The following GABRP variants were observed in gnomAD, a reference collection of about 807,000 sequenced individuals.
GABRP encodes gamma-aminobutyric acid type A receptor subunit pi.
A neutral mutation model predicts 47.8 loss-of-function variants in GABRP; 52 were observed. The ratio of observed to expected loss-of-function variants is 1.09; its 90% CI spans 0.87 to 1.37. The LOEUF (loss-of-function observed/expected upper bound fraction) is 1.37, where lower values mean the gene tolerates loss of function less well. Among genes scored for constraint, GABRP ranks in the 40% most tolerant of loss-of-function variants. The pLI, the probability that GABRP is intolerant of heterozygous loss-of-function variation, is 0.00. For synonymous variants in GABRP, 221 were observed against 205.8 expected (o/e 1.07, Z -0.63); for missense variants, 525 against 542.8 (o/e 0.97, Z 0.33).
chr5:170,797,316 G>C, intron 5 of GABRP, 150 bp from the exon 6 acceptor site: 2 of 629,758 alleles, frequency 3.2e-6, no homozygotes, highest in Non-Finnish European at 5.9e-6. Flanking sequence ...TTAGCACCCA[G>C]AGCCTCAAGG....
chr5:170,805,800 A>G lies in GABRP; in HGVS notation c.626A>G (p.Gln209Arg), dbSNP rs1192540150. ...VRGLEHLRLA[Q>R]YTIERYFTLV... ...GGACTGGAACACCTGCGGCTTGCTCAGTACACCATAGAGCGGTATTTCACC... is the reference window on the plus strand; with the variant it reads ...GGACTGGAACACCTGCGGCTTGCTCGGTACACCATAGAGCGGTATTTCACC... Residue 209 changes from glutamine to arginine, a missense_variant, in exon 7 of 10, where the codon CAG becomes CGG. Gln to Arg is a conservative substitution (Grantham distance 43). Transcript: ENST00000265294. 8.1e-6 allele frequency: 13 copies of G among 1,614,218 alleles called. No homozygotes were observed. Among genetic ancestry groups the G allele is most frequent in the Non-Finnish European group, 1.1e-5 (13 of 1,180,028 alleles).
At position 170,794,290 on chromosome 5, in the gene GABRP, A is replaced by C; in HGVS notation, c.232A>C (p.Ser78Arg). ...TGCAAGTATCTCTAGCATTTCAGAG[A>C]GTAACATGGTAAGCGCTGTTCCTTT... ...DIASISSISESNMDYTATIYL... is the reference protein window; with the variant it reads ...DIASISSISERNMDYTATIYL... Residue 78 changes from serine to arginine, a missense_variant, in exon 4 of 10, where the codon AGT becomes CGT. Coordinates refer to ENST00000265294, the MANE Select transcript of GABRP (RefSeq NM_014211.3). 6.2e-7 allele frequency: 1 copy of C among 1,608,338 alleles called. No individual in the cohort carries two copies. Among genetic ancestry groups the C allele is most frequent in the Non-Finnish European group, 8.5e-7 (1 of 1,176,136 alleles).
intron 6 of GABRP, among the ~76,000 whole-genome samples, chr5:170,802,560 A>G (rs1765622973): frequency 6.6e-6 from 1 of 152,078 alleles, no homozygotes; most frequent in South Asian, 2.1e-4. Context: ...CAAAAAGAGA[A>G]CTCATTTTCA....
At chr5:170,802,243 C>T (rs1765614416) in intron 6 of GABRP, among the ~76,000 whole-genome samples, 1 of 152,134 alleles carries the variant, frequency 6.6e-6, no homozygotes, top group South Asian at 2.1e-4. Context: ...GAAATGCCCA[C>T]CAAACTGGGG....
At position 170,805,717 on chromosome 5, in the gene GABRP, G is replaced by A; in HGVS notation, c.543G>A (p.Trp181Ter). 1 of 1,614,122 alleles carries A rather than the reference G, an allele frequency of 6.2e-7. No individual in the cohort carries two copies. The highest frequency in any genetic ancestry group is 8.5e-7 in the Non-Finnish European group (1 of 1,180,016). ...CCAGGGCTCCATTTTATTTGCCAGG[G>A]GGCTATGATGGAAATGATGTGGAGT... ...TQTCKLQLES[W>*]GYDGNDVEFT... Residue 181 changes from tryptophan (W) to a stop codon, truncating the protein, a stop_gained and splice_region_variant, in exon 7 of 10, where the codon TGG becomes TGA. Transcript: ENST00000265294. LOFTEE classifies it high-confidence loss of function.
intron 1 of GABRP, among the ~76,000 whole-genome samples, chr5:170,784,289 G>A (rs1326259964): frequency 6.6e-6 from 1 of 152,148 alleles, no homozygotes; most frequent in Non-Finnish European, 1.5e-5. Context: ...GAAGCTGGAG[G>A]TGACAAGTTG....
Position 170,808,670 on chromosome 5 carries a change from C to T in GABRP, c.750C>T (p.Tyr250=), listed in dbSNP as rs778020053. Residue 250 remains tyrosine (Y), a synonymous_variant, in exon 8 of 10, where the codon TAC becomes TAT. Transcript: ENST00000265294. The stretch of plus-strand genomic sequence containing the variant: ...TTCTGTATTTCATTTTGGAAACCTA[C>T]GTTCCTTCCACTTTCCTGGTGGTGT... ...RNVLYFILET[Y]VPSTFLVVLS... 2.4e-5 allele frequency: 39 copies of T among 1,613,770 alleles called. No individual in the cohort carries two copies. The highest frequency in any genetic ancestry group is 2.6e-5 in the Non-Finnish European group (31 of 1,179,784).
intron 3 of GABRP, among the ~76,000 whole-genome samples, chr5:170,793,821 A>T (rs147434485): frequency 0.01 from 1,523 of 152,286 alleles, 30 homozygotes; most frequent in African/African-American, 0.033. Context: ...AATCCCAGTT[A>T]CTTGGGAGGC....
intron 6 of GABRP, among the ~76,000 whole-genome samples, chr5:170,802,725 A>G (rs1025403381): frequency 6.7e-6 from 1 of 150,248 alleles, no homozygotes; most frequent in African/African-American, 2.5e-5. Flanking sequence ...TCTGTTTCAC[A>G]TATACCATCC....
At chr5:170,796,987 A>G (rs1226554880) in intron 5 of GABRP, among the ~76,000 whole-genome samples, 1 of 152,184 alleles carries the variant, frequency 6.6e-6, no homozygotes, top group Non-Finnish European at 1.5e-5. Flanking sequence ...CCTGGTTCCC[A>G]TGAGGAGGCA....
At chr5:170,809,787 A>G (rs1234198809) in intron 9 of GABRP, 32 bp downstream of exon 9, 6 of 1,557,534 alleles carry the variant, frequency 3.9e-6, no homozygotes, top group South Asian at 2.5e-5. Context: ...TGTATGATCC[A>G]TCACTGGTGC....
intron 3 of GABRP, among the ~76,000 whole-genome samples, chr5:170,793,076 A>G (rs1215798218): frequency 6.6e-6 from 1 of 152,110 alleles, no homozygotes; most frequent in Non-Finnish European, 1.5e-5. Flanking sequence ...CAGATAACCA[A>G]TGATGAACAC....
intron 6 of GABRP, among the ~76,000 whole-genome samples, chr5:170,802,677 C>T (rs1314961145): frequency 5.9e-5 from 9 of 152,052 alleles, no homozygotes; most frequent in African/African-American, 4.8e-5. Context: ...TCACAAATAC[C>T]ATCCCCAGTG....
chr5:170,804,759 T>G (rs1201458238), intron 6 of GABRP, among the ~76,000 whole-genome samples: 1 of 152,006 alleles, frequency 6.6e-6, no homozygotes, highest in Non-Finnish European at 1.5e-5. Context: ...ACTCATAGAC[T>G]TTGGGATTAA....
chr5:170,790,499 G>A (rs773598972), intron 3 of GABRP, among the ~76,000 whole-genome samples: 24 of 152,076 alleles, frequency 1.6e-4, no homozygotes, highest in African/African-American at 2.4e-4. Context: ...CAGATCCTCC[G>A]GGCAGCAGAT....
rs768386418 is a variant in GABRP, at chr5:170,808,694, G to T, written c.774G>T (p.Val258=). ...ETYVPSTFLV[V]LSWVSFWISL... ...ACGTTCCTTCCACTTTCCTGGTGGTGTTGTCCTGGGTTTCATTTTGGATCT... is the reference window on the plus strand; with the variant it reads ...ACGTTCCTTCCACTTTCCTGGTGGTTTTGTCCTGGGTTTCATTTTGGATCT... Residue 258 remains valine, a synonymous_variant, in exon 8 of 10, where the codon GTG becomes GTT. Transcript: ENST00000265294. The T allele has an allele frequency of 1.9e-5, 30 of 1,613,678 alleles. No homozygotes were observed. The highest frequency in any genetic ancestry group is 5.5e-5 in the South Asian group (5 of 91,084).
chr5:170,804,531 CT>C (rs1765678030), intron 6 of GABRP, among the ~76,000 whole-genome samples: 1 of 152,090 alleles, frequency 6.6e-6, no homozygotes, highest in African/African-American at 2.4e-5. Context: ...TACTGTCTAT[CT>C]TTTTTATTAC....
intron 6 of GABRP, among the ~76,000 whole-genome samples, chr5:170,804,959 T>C (rs1450710127): frequency 2.2e-5 from 3 of 138,928 alleles, no homozygotes; most frequent in East Asian, 4.0e-4. Flanking sequence ...TTAAAATACA[T>C]ATATACGTTT....
intron 2 of GABRP, 88 bp downstream of exon 2, chr5:170,788,756 C>A: frequency 7.7e-7 from 1 of 1,304,616 alleles, no homozygotes; most frequent in Non-Finnish European, 1.1e-6. Flanking sequence ...TCCTATTCAC[C>A]CACAGCAAGG....
Sources: gnomAD v4.1 joint callset for allele counts (sites outside exome capture counted in the v4.1 genomes callset) on GRCh38, gnomAD v4.1.1 for gene constraint, MANE v1.5 for transcripts, NCBI Gene and HGNC (gene_info 2026-07-23, HGNC 2026-07-21) for gene names.